Variants in PDE4A observed in about 807,000 individuals in gnomAD.
PDE4A encodes the protein phosphodiesterase 4A, also known as 3',5'-cyclic-AMP phosphodiesterase 4A.
A neutral mutation model predicts 73.9 loss-of-function variants in PDE4A; 21 were observed. That is an observed-to-expected ratio of 0.28 (90% CI 0.20 to 0.41). PDE4A has a LOEUF of 0.41. Ranked by LOEUF, PDE4A falls within the 10% of genes least tolerant of loss-of-function variation. The probability of loss-of-function intolerance (pLI) is 1.00; values close to 1 mark genes in which losing one functional copy is unlikely to be tolerated. For synonymous variants in PDE4A, 463 were observed against 505.4 expected (o/e 0.92, Z 1.13); for missense variants, 958 against 1,211.4 (o/e 0.79, Z 3.10).
chr19:10,447,259 A>G (rs1266953301), intron 2 of PDE4A, among the ~76,000 whole-genome samples: 1 of 78,492 alleles, frequency 1.3e-5, no homozygotes, highest in East Asian at 4.0e-4. Flanking sequence ...AGAATCTCAC[A>G]CTGTCGCCCA....
At chr19:10,422,876 A>G (rs2042668709) in intron 1 of PDE4A, among the ~76,000 whole-genome samples, 1 of 152,180 alleles carries the variant, frequency 6.6e-6, no homozygotes, top group African/African-American at 2.4e-5. Flanking sequence ...CTAAGACACC[A>G]AGGGGTGGGT....
Position 10,420,890 on chromosome 19 carries a change from T to C in PDE4A, c.126T>C (p.Arg42=), listed in dbSNP as rs1194117759. The C allele has an allele frequency of 1.9e-6, 3 of 1,589,366 alleles. No homozygotes were observed. The South Asian group carries it at 3.4e-5, about 18-fold the overall frequency. Residue 42 remains arginine (R), a synonymous_variant, in exon 1 of 15, where the codon CGT becomes CGC. Transcript: ENST00000380702. The surrounding 1 kb of genome is among the most constrained non-coding windows in gnomAD (Gnocchi z 6.0). ...HLWRQPRTPI[R]IQQRGYSDSA... is the part of the protein sequence containing the mutation. ...GGCGGCAGCCTCGGACCCCCATCCGTATCCAGCAGCGCGGCTACTCCGACA... is the reference window on the plus strand; with the variant it reads ...GGCGGCAGCCTCGGACCCCCATCCGCATCCAGCAGCGCGGCTACTCCGACA...
At position 10,423,797 on chromosome 19, in the gene PDE4A, C is replaced by T. The variant is rs1022341022; in HGVS notation, c.320+2713C>T. Among the ~76,000 whole-genome samples, 5 of 152,302 alleles carry T rather than the reference C, an allele frequency of 3.3e-5. No homozygotes were observed. The East Asian group carries it at 9.6e-4, about 29-fold the overall frequency. On this transcript the variant is annotated intron_variant, in intron 1 of 14. Coordinates refer to ENST00000380702, the MANE Select transcript of PDE4A (RefSeq NM_001111307.2). ...CCTTAACCACATCCCCACGTAGACT[C>T]GGGTTTCTGTTTCACTGTGGGCCTG...
intron 1 of PDE4A, among the ~76,000 whole-genome samples, chr19:10,441,564 T>C (rs1343769757): frequency 2.0e-5 from 3 of 152,176 alleles, no homozygotes; most frequent in Admixed American, 6.5e-5. Context: ...TTGTTTGTTA[T>C]TGTTGTTGCC....
intron 2 of PDE4A, among the ~76,000 whole-genome samples, chr19:10,447,522 G>A (rs543924203): frequency 3.8e-4 from 57 of 151,194 alleles, no homozygotes; most frequent in African/African-American, 5.1e-4. Flanking sequence ...ACCGCGCCCG[G>A]CCCTCAGTTC....
intron 1 of PDE4A, among the ~76,000 whole-genome samples, chr19:10,422,895 G>A (rs1399269204): frequency 2.0e-5 from 3 of 152,196 alleles, no homozygotes; most frequent in Non-Finnish European, 4.4e-5. Flanking sequence ...GTGAAGTGAA[G>A]TAGGTTCCAG....
chr19:10,427,276 G>T (rs1261499179), intron 1 of PDE4A, among the ~76,000 whole-genome samples: 2 of 152,204 alleles, frequency 1.3e-5, no homozygotes, highest in Non-Finnish European at 2.9e-5. Context: ...CTTCAGCCTG[G>T]GTGACAGAGC....
chr19:10,444,670 AT>A (rs552364395), intron 1 of PDE4A, among the ~76,000 whole-genome samples: 4,384 of 135,386 alleles, frequency 0.032, 189 homozygotes, highest in African/African-American at 0.11. Context: ...TGTGTCTGAG[AT>A]TTTTTTTTTT....
chr19:10,420,839 C>T lies in PDE4A; in HGVS notation c.75C>T (p.Thr25=), dbSNP rs1033162422. The change falls in exon 1 of 15, where the codon ACC becomes ACT. Residue 25 remains threonine, a synonymous_variant. Coordinates refer to ENST00000380702, the MANE Select transcript of PDE4A (RefSeq NM_001111307.2). This position sits in a 1 kb window ranked among gnomAD's most constrained non-coding sequence, Gnocchi z 6.0. ...SLPGPREGQA[T]LKPPPQHLWR... ...CCGGGCCCCGGGAGGGCCAGGCCAC[C>T]CTGAAGCCTCCCCCGCAGCACCTGT... is the stretch of plus-strand genomic sequence containing the variant. 6.3e-7 allele frequency: 1 copy of T among 1,590,054 alleles called. No homozygotes were observed. The highest frequency in any genetic ancestry group is 8.5e-7 in the Non-Finnish European group (1 of 1,176,000).
upstream of PDE4A, chr19:10,418,012 C>A: frequency 1.1e-6 from 1 of 904,914 alleles, no homozygotes; most frequent in Non-Finnish European, 1.6e-6. Flanking sequence ...GGCTGTGACA[C>A]CCCTACCCCA....
intron 6 of PDE4A, 23 bp downstream of exon 6, chr19:10,450,964 C>T (rs2043080998): frequency 6.4e-7 from 1 of 1,569,694 alleles, no homozygotes; most frequent in Non-Finnish European, 8.6e-7. Context: ...TGGGCAGAAC[C>T]CCTGGGCGGG....
At chr19:10,446,443 C>T (rs1228412756) in intron 2 of PDE4A, 34 bp downstream of exon 2, 2 of 1,587,428 alleles carry the variant, frequency 1.3e-6, no homozygotes, top group East Asian at 2.3e-5. Flanking sequence ...CCAGTTCCCC[C>T]AGGCCTGGTC....
At chr19:10,433,790 C>A (rs1386500086) in intron 1 of PDE4A, among the ~76,000 whole-genome samples, 1 of 152,244 alleles carries the variant, frequency 6.6e-6, no homozygotes, top group South Asian at 2.1e-4. Flanking sequence ...AAATGCCAGG[C>A]CTTTCCATAA....
intron 1 of PDE4A, among the ~76,000 whole-genome samples, chr19:10,433,400 G>T (rs2042821222): frequency 6.6e-6 from 1 of 151,968 alleles, no homozygotes; most frequent in South Asian, 2.1e-4. Context: ...CACACCCAGG[G>T]CCCACACATG....
At chr19:10,417,593 T>G, upstream of PDE4A, 1 of 1,509,228 alleles carries the variant, frequency 6.6e-7, no homozygotes, top group Non-Finnish European at 8.9e-7. Flanking sequence ...GTAGGGGTGT[T>G]CTTGGGGAGA....
intron 1 of PDE4A, among the ~76,000 whole-genome samples, chr19:10,443,914 G>A (rs1365633088): frequency 1.3e-5 from 2 of 151,670 alleles, no homozygotes; most frequent in African/African-American, 4.9e-5. Flanking sequence ...GGCTGAGGCA[G>A]GAGAATTGAT....
At chr19:10,417,888 TG>T, upstream of PDE4A, 1 of 1,539,624 alleles carries the variant, frequency 6.5e-7, no homozygotes, top group Middle Eastern at 1.7e-4. Context: ...GGGAGCAGAG[TG>T]GGAGGTGGGT....
chr19:10,422,689 C>T (rs1262628189), intron 1 of PDE4A, among the ~76,000 whole-genome samples: 1 of 152,170 alleles, frequency 6.6e-6, no homozygotes, highest in South Asian at 2.1e-4. Context: ...CTGATCACCC[C>T]CCAGCCCCAG....
chr19:10,430,861 G>T, intron 1 of PDE4A: 1 of 1,405,700 alleles, frequency 7.1e-7, no homozygotes, highest in Non-Finnish European at 9.2e-7. Flanking sequence ...CGGCCGCGCG[G>T]CCTAGGCCGC....
Sources: allele counts gnomAD v4.1 joint callset (sites outside exome capture counted in the v4.1 genomes callset), GRCh38; gene constraint gnomAD v4.1.1; non-coding constraint Gnocchi (gnomAD v3.1); transcripts MANE v1.5; gene names NCBI Gene and HGNC (gene_info 2026-07-23, HGNC 2026-07-21).